LDB2: variants seen among roughly 807,000 people sequenced by gnomAD.
The protein encoded by LDB2 is LIM domain-binding protein 2.
A neutral mutation model predicts 44.3 loss-of-function variants in LDB2; 12 were observed. That is an observed-to-expected ratio of 0.27 (90% CI 0.17 to 0.44). The LOEUF is 0.44. Ranked by LOEUF, LDB2 falls within the 20% of genes least tolerant of loss-of-function variation. LDB2 has a pLI of 1.00. For synonymous variants in LDB2, 164 were observed against 174.8 expected (o/e 0.94, Z 0.49); for missense variants, 344 against 473.5 (o/e 0.73, Z 2.54).
intron 2 of LDB2, among the ~76,000 whole-genome samples, chr4:16,633,215 C>T (rs953603268): frequency 6.6e-6 from 1 of 152,116 alleles, no homozygotes; most frequent in Non-Finnish European, 1.5e-5. Context: ...CATGTTCTCA[C>T]TCATAGGTGG....
At chr4:16,666,798 T>A (rs1234168900) in intron 2 of LDB2, among the ~76,000 whole-genome samples, 4 of 152,130 alleles carry the variant, frequency 2.6e-5, no homozygotes, top group East Asian at 3.9e-4. Flanking sequence ...GACAGTGCAG[T>A]TTTTCCCCCT....
intron 5 of LDB2, among the ~76,000 whole-genome samples, chr4:16,567,784 A>C (rs1296727569): frequency 6.6e-6 from 1 of 152,324 alleles, no homozygotes; most frequent in East Asian, 1.9e-4. Context: ...ACAAAACAAA[A>C]AAAAGTTTAC....
intron 2 of LDB2, among the ~76,000 whole-genome samples, chr4:16,685,907 T>C (rs1030513807): frequency 2.0e-5 from 3 of 151,948 alleles, no homozygotes; most frequent in African/African-American, 7.2e-5. Flanking sequence ...AAAAAAGTAG[T>C]TGGGCATGGT....
At chr4:16,642,872 C>T (rs1735596971) in intron 2 of LDB2, among the ~76,000 whole-genome samples, 1 of 152,186 alleles carries the variant, frequency 6.6e-6, no homozygotes, top group East Asian at 1.9e-4. Flanking sequence ...CATAGCATTT[C>T]ATTCAGGCTC....
intron 1 of LDB2, among the ~76,000 whole-genome samples, chr4:16,887,196 A>C (rs534059984): frequency 1.3e-5 from 2 of 151,108 alleles, no homozygotes; most frequent in South Asian, 4.2e-4. Flanking sequence ...GTAATTACAT[A>C]GTGACAGGAG....
chr4:16,539,855 C>T (rs1459618837), intron 5 of LDB2, among the ~76,000 whole-genome samples: 1 of 152,128 alleles, frequency 6.6e-6, no homozygotes, highest in Non-Finnish European at 1.5e-5. Context: ...AAGTTGGGGT[C>T]ATGTGACTAA....
intron 5 of LDB2, among the ~76,000 whole-genome samples, chr4:16,571,077 C>T (rs1368828681): frequency 1.3e-5 from 2 of 152,134 alleles, no homozygotes; most frequent in African/African-American, 4.8e-5. Flanking sequence ...GGGCAGGGAG[C>T]ACTGGAGCTT....
At chr4:16,563,566 A>C (rs1476856213) in intron 5 of LDB2, among the ~76,000 whole-genome samples, 1 of 147,358 alleles carries the variant, frequency 6.8e-6, no homozygotes, top group Non-Finnish European at 1.5e-5. Flanking sequence ...CTCCTGCCTC[A>C]GCCTCCCGAG....
chr4:16,839,671 T>C (rs1043390456), intron 1 of LDB2, among the ~76,000 whole-genome samples: 2 of 151,826 alleles, frequency 1.3e-5, no homozygotes, highest in African/African-American at 4.8e-5. Context: ...AGCTAATTAA[T>C]GGTAGAACAG....
intron 2 of LDB2, among the ~76,000 whole-genome samples, chr4:16,711,760 G>T (rs1292241468): frequency 6.6e-6 from 1 of 152,154 alleles, no homozygotes; most frequent in African/African-American, 2.4e-5. Flanking sequence ...CAATGGAATA[G>T]AATTCAAAGT....
Position 16,759,202 on chromosome 4 carries a change from G to C in LDB2, c.191C>G (p.Thr64Arg). The C allele has an allele frequency of 6.2e-7, 1 of 1,614,090 alleles. No homozygotes were observed. Among genetic ancestry groups the C allele is most frequent in the Non-Finnish European group, 8.5e-7 (1 of 1,179,952 alleles). Residue 64 changes from threonine to arginine, a missense_variant, in exon 2 of 8, where the codon ACA becomes AGA. Physicochemically the swap from Thr to Arg is moderately conservative, Grantham distance 71. This residue lies in a region of LDB2 where 226 missense variants were observed against 270.1 expected (regional missense o/e 0.84). Coordinates refer to ENST00000304523, the MANE Select transcript of LDB2 (RefSeq NM_001290.5). ...TTCCAAACAAAATGAAAGGGTTAAT[G>C]TGGCGTCATCTTCAAAAAATTCAGT... ...FATEFFEDDA[T>R]LTLSFCLEDG...
Position 16,739,713 on chromosome 4 carries a change from T to TAC in LDB2, c.235+19444_235+19445insGT, listed in dbSNP as rs1762807869. Among the ~76,000 whole-genome samples the TAC allele has an allele frequency of 2.1e-5, 2 of 97,422 alleles. 1 individual carries two copies. Among genetic ancestry groups the TAC allele is most frequent in the Non-Finnish European group, 4.2e-5 (2 of 48,094 alleles). The allele number at this position is 97,422 out of a possible 152,430, so 63.9% of individuals were successfully genotyped here. A position where few individuals can be genotyped will look rare whatever the true frequency, so the allele number is the denominator to read the frequency against. On this transcript the variant is annotated intron_variant, in intron 2 of 7. Transcript: ENST00000304523. The stretch of plus-strand genomic sequence containing the variant: ...GTATATATACATATATGTGTATATA[T>TAC]GTATATATACATATATGTGTATATA...
chr4:16,557,288 A>G (rs867912550), intron 5 of LDB2, among the ~76,000 whole-genome samples: 5 of 152,226 alleles, frequency 3.3e-5, no homozygotes, highest in Non-Finnish European at 5.9e-5. Context: ...GCAAGGGGTC[A>G]GGGAGTTCCC....
At chr4:16,872,155 C>G (rs1228245312) in intron 1 of LDB2, among the ~76,000 whole-genome samples, 1 of 150,748 alleles carries the variant, frequency 6.6e-6, no homozygotes, top group Non-Finnish European at 1.5e-5. Context: ...TTTTAAAGAC[C>G]CAATTGTTAA....
intron 2 of LDB2, among the ~76,000 whole-genome samples, chr4:16,715,264 C>T (rs749475093): frequency 6.6e-6 from 1 of 152,164 alleles, no homozygotes; most frequent in African/African-American, 2.4e-5. Flanking sequence ...GCCTCCCATA[C>T]AAATACAACC....
At chr4:16,527,984 G>GTA (rs1577394747) in intron 5 of LDB2, among the ~76,000 whole-genome samples, 1 of 139,014 alleles carries the variant, frequency 7.2e-6, no homozygotes, top group Non-Finnish European at 1.6e-5. Context: ...AAACTGTGGT[G>GTA]TATATATATA....
chr4:16,512,367 TACAC>T (rs1255151900), intron 5 of LDB2, among the ~76,000 whole-genome samples: 1 of 152,096 alleles, frequency 6.6e-6, no homozygotes, highest in East Asian at 1.9e-4. Context: ...CATATACGTG[TACAC>T]ACACACCTGT....
intron 1 of LDB2, among the ~76,000 whole-genome samples, chr4:16,766,479 T>C (rs2109299265): frequency 7.7e-6 from 1 of 129,578 alleles, no homozygotes; most frequent in African/African-American, 3.1e-5. Flanking sequence ...TGTGTGTGTG[T>C]GTGTGTGTGT....
At chr4:16,507,709 C>G (rs1720084373) in intron 7 of LDB2, among the ~76,000 whole-genome samples, 1 of 151,924 alleles carries the variant, frequency 6.6e-6, no homozygotes, top group Non-Finnish European at 1.5e-5. Context: ...ATGACAGGGA[C>G]AGCAGAGAAG....
Sources: gnomAD v4.1 joint callset for allele counts (sites outside exome capture counted in the v4.1 genomes callset) on GRCh38, gnomAD v4.1.1 for gene constraint, gnomAD v4.1.1 regional missense constraint, MANE v1.5 for transcripts, NCBI Gene and HGNC (gene_info 2026-07-23, HGNC 2026-07-21) for gene names.